ZRANB2: variants seen among roughly 807,000 people sequenced by gnomAD.
ZRANB2 encodes zinc finger Ran-binding domain-containing protein 2.
Under a neutral mutation model 53.4 loss-of-function variants are expected in ZRANB2, and 19 were observed. That is an observed-to-expected ratio of 0.36 (90% CI 0.25 to 0.52). The LOEUF (loss-of-function observed/expected upper bound fraction) is 0.52, where lower values mean the gene tolerates loss of function less well. ZRANB2 is among the 20% of genes least tolerant of loss of function. ZRANB2 has a pLI of 0.93. For synonymous variants in ZRANB2, 145 were observed against 134.8 expected (o/e 1.08, Z -0.52); for missense variants, 309 against 401.1 (o/e 0.77, Z 1.96).
intron 1 of ZRANB2, among the ~76,000 whole-genome samples, chr1:71,079,170 C>T (rs747108534): frequency 1.3e-5 from 2 of 150,858 alleles, no homozygotes; most frequent in Non-Finnish European, 2.9e-5. Context: ...AGGTAGGATG[C>T]TAAGGAACCA....
At chr1:71,072,335 T>C (rs1029633591) in intron 5 of ZRANB2, 80 bp from the exon 6 acceptor site, 19 of 1,456,646 alleles carry the variant, frequency 1.3e-5, no homozygotes, top group African/African-American at 8.7e-5. Context: ...TTATTTTAGA[T>C]ATTTATGATT....
chr1:71,068,560 G>T (rs1207428480), intron 8 of ZRANB2, among the ~76,000 whole-genome samples: 1 of 151,998 alleles, frequency 6.6e-6, no homozygotes, highest in Non-Finnish European at 1.5e-5. Context: ...TCCTGATTTA[G>T]TTTTGAGTGT....
At chr1:71,080,552 C>T (rs747904891) in intron 1 of ZRANB2, among the ~76,000 whole-genome samples, 24 of 145,786 alleles carry the variant, frequency 1.6e-4, no homozygotes, top group Admixed American at 1.3e-3. Flanking sequence ...TTTCCGTGAA[C>T]AAGAGTAAAG....
intron 9 of ZRANB2, chr1:71,065,551 G>T: frequency 3.7e-6 from 5 of 1,353,206 alleles, no homozygotes; most frequent in Non-Finnish European, 4.8e-6. Context: ...AAAAGATACA[G>T]CAAGGCTTCT....
intron 4 of ZRANB2, among the ~76,000 whole-genome samples, chr1:71,075,346 T>C (rs146518322): frequency 1.1e-3 from 162 of 152,240 alleles, no homozygotes; most frequent in Non-Finnish European, 1.8e-3. Flanking sequence ...GTAATAAATG[T>C]ATGGTGAGTG....
In ZRANB2 at chr1:71,078,443, T is replaced by C. The variant is rs771163813; in HGVS notation, c.218+14A>G. 6.2e-7 allele frequency: 1 copy of C among 1,605,498 alleles called. No homozygotes were observed. The highest frequency in any genetic ancestry group is 8.5e-7 in the Non-Finnish European group (1 of 1,173,672). On this transcript the variant is annotated intron_variant, in intron 3 of 9. Transcript: ENST00000370920. ...TTTTGGAAGAAAGAGCAGACAATAA[T>C]TTAAAAAACATACGTTTTACATTGC...
At chr1:71,078,974 C>T (rs755330118) in intron 1 of ZRANB2, among the ~76,000 whole-genome samples, 2 of 152,172 alleles carry the variant, frequency 1.3e-5, no homozygotes, top group Non-Finnish European at 2.9e-5. Flanking sequence ...CTCAAGTCCT[C>T]ACATTAGCAC....
chr1:71,072,106 A>C lies in ZRANB2; in HGVS notation c.513+15T>G, dbSNP rs572969460. On this transcript the variant is annotated intron_variant, in intron 6 of 9. Transcript: ENST00000370920. ...CAATAAGACAAAAGGGAAATAGGAC[A>C]AGAAAATTGTTCACCTCATCTAACT... is the stretch of plus-strand genomic sequence containing the variant. 1.7e-5 allele frequency: 28 copies of C among 1,602,722 alleles called. No homozygotes were observed. In the South Asian group the frequency reaches 2.9e-4, roughly 17 times the overall value.
intron 4 of ZRANB2, among the ~76,000 whole-genome samples, chr1:71,073,225 GTC>G (rs1279901410): frequency 6.6e-6 from 1 of 152,032 alleles, no homozygotes; most frequent in African/African-American, 2.4e-5. Context: ...CAATTGGCAG[GTC>G]TCTGACATAA....
At chr1:71,071,786 G>T (rs1200847429) in intron 6 of ZRANB2, among the ~76,000 whole-genome samples, 1 of 152,092 alleles carries the variant, frequency 6.6e-6, no homozygotes, top group Non-Finnish European at 1.5e-5. Context: ...CACCTCCTTA[G>T]ACATTATCCA....
intron 8 of ZRANB2, 41 bp downstream of exon 8, chr1:71,069,235 A>G (rs1661540771): frequency 6.6e-7 from 1 of 1,516,662 alleles, no homozygotes; most frequent in South Asian, 1.2e-5. Context: ...GCCTTTAAAT[A>G]TTTTTCTCTC....
chr1:71,066,246 C>T (rs911266541), intron 9 of ZRANB2: 1 of 153,354 alleles, frequency 6.5e-6, no homozygotes, highest in African/African-American at 2.4e-5. Context: ...AGGCCTTTCT[C>T]AAAAAAGATT....
chr1:71,069,944 C>A (rs529749839), intron 7 of ZRANB2, among the ~76,000 whole-genome samples: 11 of 152,208 alleles, frequency 7.2e-5, no homozygotes, highest in South Asian at 6.2e-4. Flanking sequence ...TCACAAAATT[C>A]ATTAATCTAA....
chr1:71,075,727 G>C (rs991666665), intron 4 of ZRANB2, among the ~76,000 whole-genome samples: 6 of 151,538 alleles, frequency 4.0e-5, no homozygotes, highest in Non-Finnish European at 7.4e-5. Flanking sequence ...GGTGAGGGAA[G>C]AAAAAAACGA....
At chr1:71,071,616 C>T (rs1267442918) in intron 6 of ZRANB2, among the ~76,000 whole-genome samples, 1 of 152,008 alleles carries the variant, frequency 6.6e-6, no homozygotes, top group Non-Finnish European at 1.5e-5. Context: ...CTCATTCTCC[C>T]CTCTGCTCTA....
At position 71,081,026 on chromosome 1, in the gene ZRANB2, C is replaced by A. The variant is rs769098609; in HGVS notation, c.-31G>T. 2 of 1,613,954 alleles carry A rather than the reference C, an allele frequency of 1.2e-6. No individual in the cohort carries two copies. The highest frequency in any genetic ancestry group is 1.1e-5 in the South Asian group (1 of 91,086). ...ACGCCACCAGCACAGCCACCCGCAG[C>A]TATGTCTTCACAGGAGGAAAACGGG... is the stretch of plus-strand genomic sequence containing the variant. On this transcript the variant is annotated 5_prime_UTR_variant, in exon 1 of 10. Transcript: ENST00000370920.
At chr1:71,078,785 T>C (rs1661768232) in intron 1 of ZRANB2, 77 bp from the exon 2 acceptor site, 9 of 1,230,454 alleles carry the variant, frequency 7.3e-6, no homozygotes, top group South Asian at 1.3e-5. Flanking sequence ...TCACTACATA[T>C]CTGGAATTCA....
At chr1:71,072,399 T>C in intron 5 of ZRANB2, 73 bp downstream of exon 5, 3 of 1,509,440 alleles carry the variant, frequency 2.0e-6, no homozygotes, top group South Asian at 2.5e-5. Flanking sequence ...AAAAAGTTTG[T>C]TTTCCTTTGC....
chr1:71,070,341 TG>T (rs1352884922), intron 7 of ZRANB2, among the ~76,000 whole-genome samples: 1 of 152,168 alleles, frequency 6.6e-6, no homozygotes, highest in Non-Finnish European at 1.5e-5. Flanking sequence ...ATTATGAGCA[TG>T]AAGTCAACAG....
Sources: allele counts gnomAD v4.1 joint callset (sites outside exome capture counted in the v4.1 genomes callset), GRCh38; gene constraint gnomAD v4.1.1; transcripts MANE v1.5; gene names NCBI Gene and HGNC (gene_info 2026-07-23, HGNC 2026-07-21).